FRMPD4: variants seen among roughly 807,000 people sequenced by gnomAD.
FRMPD4 encodes the protein FERM and PDZ domain-containing protein 4.
A neutral mutation model predicts 94.1 loss-of-function variants in FRMPD4; 22 were observed. That is an observed-to-expected ratio of 0.23 (90% confidence interval 0.17 to 0.33). FRMPD4 has a LOEUF of 0.33. Among genes scored for constraint, FRMPD4 ranks in the 10% least tolerant of loss-of-function variants. The pLI is 1.00. For missense variants in FRMPD4, 1,111 were observed against 1,339.9 expected (o/e 0.83, Z 2.67); for synonymous variants, 631 against 548.6 (o/e 1.15, Z -2.10).
intron 2 of FRMPD4, among the ~76,000 whole-genome samples, chrX:11,877,000 C>T (rs1413634837): frequency 8.9e-6 from 1 of 112,032 alleles, no homozygotes; most frequent in Non-Finnish European, 1.9e-5. Context: ...CAGCCCCCCA[C>T]AGCAAAGGAG....
chrX:12,205,413 A>G (rs1298037346), intron 1 of FRMPD4, among the ~76,000 whole-genome samples: 1 of 112,385 alleles, frequency 8.9e-6, no homozygotes, highest in Non-Finnish European at 1.9e-5. Context: ...ACATTTATAT[A>G]GTACCATTTC....
At chrX:12,490,605 C>T (rs944962816) in intron 1 of FRMPD4, among the ~76,000 whole-genome samples, 9 of 111,583 alleles carry the variant, frequency 8.1e-5, no homozygotes, top group Admixed American at 1.9e-4. Flanking sequence ...ACAGTCCTTA[C>T]AACAATTCAA....
chrX:12,627,926 A>G (rs1046559114), intron 4 of FRMPD4, among the ~76,000 whole-genome samples: 2 of 112,381 alleles, frequency 1.8e-5, no homozygotes, highest in African/African-American at 3.2e-5. Context: ...CTTTGGAACT[A>G]CAAATTTGCA....
intron 2 of FRMPD4, among the ~76,000 whole-genome samples, chrX:11,871,116 A>G (rs1197075923): frequency 2.7e-5 from 3 of 112,470 alleles, no homozygotes; most frequent in Non-Finnish European, 5.6e-5. Flanking sequence ...AATCTTCAGG[A>G]ACGATCCTCC....
At chrX:12,267,338 T>C (rs1180414799) in intron 1 of FRMPD4, among the ~76,000 whole-genome samples, 1 of 112,390 alleles carries the variant, frequency 8.9e-6, no homozygotes, top group East Asian at 2.8e-4. Flanking sequence ...AATGGTTGTT[T>C]GATTAAACTT....
intron 1 of FRMPD4, among the ~76,000 whole-genome samples, chrX:12,385,961 T>C (rs1410591739): frequency 8.9e-6 from 1 of 112,590 alleles, no homozygotes; most frequent in Non-Finnish European, 1.9e-5. Flanking sequence ...TTGACAGTCC[T>C]ATCACACATT....
At chrX:11,848,027 T>C (rs1472030679) in intron 1 of FRMPD4, among the ~76,000 whole-genome samples, 1 of 105,047 alleles carries the variant, frequency 9.5e-6, no homozygotes. Context: ...AAACTTAAAG[T>C]ATAATAATAA....
chrX:11,918,282 T>G (rs1160340988), intron 3 of FRMPD4, among the ~76,000 whole-genome samples: 1 of 113,156 alleles, frequency 8.8e-6, no homozygotes, highest in African/African-American at 3.2e-5. Context: ...TGGTTTTGAC[T>G]GATTCATTTG....
rs1158327088 is a variant in FRMPD4 at position 12,717,978 on chromosome X, G to T, written c.3152G>T (p.Gly1051Val). The change falls in exon 16 of 17, where the codon GGG (glycine) becomes GTG (valine). Residue 1051 changes from glycine (G) to valine (V), a missense_variant. Coordinates refer to ENST00000675598, the MANE Select transcript of FRMPD4 (RefSeq NM_001368397.1). ...AACACAACAGGAAAAAAACAGCAGG[G>T]GACCAAAACGGCAGAGATGGAGGAG... ...NGNTTGKKQQ[G>V]TKTAEMEEEA... is the part of the protein sequence containing the mutation. The T allele has an allele frequency of 8.3e-7, 1 of 1,211,612 alleles. No individual in the cohort carries two copies. The highest frequency in any genetic ancestry group is 2.2e-5 in the Admixed American group (1 of 46,094).
chrX:12,193,700 G>A (rs1452908867), intron 1 of FRMPD4, among the ~76,000 whole-genome samples: 1 of 98,411 alleles, frequency 1.0e-5, no homozygotes, highest in Non-Finnish European at 2.0e-5. Flanking sequence ...AAAAGATGAA[G>A]GAACAGATCT....
At position 12,346,804 on chromosome X, in the gene FRMPD4, C is replaced by T. The variant is rs190287873; in HGVS notation, c.42-151876C>T. Among the ~76,000 whole-genome samples the T allele has an allele frequency of 5.4e-5, 6 of 111,884 alleles. No homozygotes were observed. The East Asian group carries it at 1.7e-3, about 31-fold the overall frequency. On this transcript the variant is annotated intron_variant, in intron 1 of 16. Coordinates refer to ENST00000675598, the MANE Select transcript of FRMPD4 (RefSeq NM_001368397.1). ...CCAAAATAATACGATAATAATATCC[C>T]CTTCTCTTAAAAAAGTCATCTTAAA...
In FRMPD4 at chrX:12,636,804, A is replaced by AAT. The variant is rs1411564080; in HGVS notation, c.422+21923_422+21924insAT. ...ATATTGGATATATTTATATCCATTG[A>AAT]TGATATTATTCTTATTGAAGCTCAA... On this transcript the variant is annotated intron_variant, in intron 4 of 16. Coordinates refer to ENST00000675598, the MANE Select transcript of FRMPD4 (RefSeq NM_001368397.1). 2.7e-5 allele frequency among the ~76,000 whole-genome samples: 3 copies of AAT among 112,022 alleles called. No individual in the cohort carries two copies. In the East Asian group the frequency reaches 8.3e-4, roughly 31 times the overall value.
chrX:11,866,013 C>G (rs1432669546), intron 2 of FRMPD4, among the ~76,000 whole-genome samples: 1 of 111,881 alleles, frequency 8.9e-6, no homozygotes, highest in Non-Finnish European at 1.9e-5. Context: ...ATGAATTGGA[C>G]AGTACCCAGT....
At chrX:12,291,354 C>T (rs1292064809) in intron 1 of FRMPD4, among the ~76,000 whole-genome samples, 1 of 111,732 alleles carries the variant, frequency 8.9e-6, no homozygotes, top group Non-Finnish European at 1.9e-5. Context: ...TGTTCCATTT[C>T]CATCAAATGT....
intron 4 of FRMPD4, among the ~76,000 whole-genome samples, chrX:12,665,171 A>G (rs188374317): frequency 1.8e-5 from 2 of 111,792 alleles, no homozygotes; most frequent in East Asian, 2.8e-4. Flanking sequence ...TGCTGGGTGC[A>G]GTGGCTCACG....
At chrX:12,034,825 C>T (rs773355716) in intron 3 of FRMPD4, among the ~76,000 whole-genome samples, 12 of 112,267 alleles carry the variant, frequency 1.1e-4, no homozygotes, top group South Asian at 3.7e-4. Flanking sequence ...CATGGCCATG[C>T]GTATGTGTGC....
At chrX:12,241,208 A>G (rs767486230) in intron 1 of FRMPD4, among the ~76,000 whole-genome samples, 1 of 112,201 alleles carries the variant, frequency 8.9e-6, no homozygotes, top group Non-Finnish European at 1.9e-5. Flanking sequence ...GACTCATTAC[A>G]TTCCAAAGAT....
chrX:12,479,267 T>A (rs1161317332), intron 1 of FRMPD4, among the ~76,000 whole-genome samples: 1 of 107,528 alleles, frequency 9.3e-6, no homozygotes, highest in Non-Finnish European at 1.9e-5. Context: ...AAATTAAGGA[T>A]GAGGTCCAGA....
chrX:11,997,948 A>G (rs1852389), intron 3 of FRMPD4, among the ~76,000 whole-genome samples: 18,030 of 111,060 alleles, frequency 0.16, 1,691 homozygotes, highest in African/African-American at 0.34. Context: ...CTTGTGTAAA[A>G]GTCACACTTT....
Sources: gnomAD v4.1 joint callset for allele counts (sites outside exome capture counted in the v4.1 genomes callset) on GRCh38, gnomAD v4.1.1 for gene constraint, MANE v1.5 for transcripts, NCBI Gene and HGNC (gene_info 2026-07-23, HGNC 2026-07-21) for gene names.